MBP: variants seen among roughly 807,000 people sequenced by gnomAD.
The protein encoded by MBP is Golli-MBP.
In MBP, 16 loss-of-function variants were observed where a neutral mutation model predicts 35.8. The ratio of observed to expected loss-of-function variants is 0.45; its 90% CI spans 0.30 to 0.68. The LOEUF is 0.68. Among genes scored for constraint, MBP ranks in the 30% least tolerant of loss-of-function variants. The probability of loss-of-function intolerance (pLI) is 0.08; values close to 1 mark genes in which losing one functional copy is unlikely to be tolerated. For missense variants in MBP, 380 were observed against 404.7 expected, an observed-to-expected ratio of 0.94 and a Z score of 0.52; for synonymous variants, 143 against 159.6, an observed-to-expected ratio of 0.90 and a Z score of 0.78.
chr18:77,118,497 C>T (rs568653533), intron 1 of MBP, among the ~76,000 whole-genome samples: 3 of 152,056 alleles, frequency 2.0e-5, no homozygotes, highest in East Asian at 3.9e-4. Context: ...AGGAAATCTC[C>T]CGTGTGAGTG....
In MBP at chr18:77,044,634, C is replaced by T. The variant is rs74358680; in HGVS notation, c.139+21664G>A. Among the ~76,000 whole-genome samples, 4,034 of 152,228 alleles carry T rather than the reference C, an allele frequency of 0.026. 126 individuals carry two copies. The highest frequency in any genetic ancestry group is 0.1 in the East Asian group (521 of 5,142). ...GCCCTCCGGTCACACCCTTCCATCC[C>T]GTGTGGTGCTGAGCCCCTCACACAC... On this transcript the variant is annotated intron_variant, in intron 3 of 8. Transcript: ENST00000355994. The surrounding 1 kb of genome is among the most constrained non-coding windows in gnomAD (Gnocchi z 4.4).
Position 76,988,200 on chromosome 18 carries a change from C to G in MBP, c.750+295G>C. The stretch of plus-strand genomic sequence containing the variant: ...TTTCTCGGACGTGGTGTTGCTCCCT[C>G]CCTGGGAGGGAGACCAGTCACGTCG... On this transcript the variant is annotated intron_variant, in intron 7 of 8. Coordinates refer to ENST00000355994, the MANE Select transcript of MBP (RefSeq NM_001025101.2). This position sits in a 1 kb window ranked among gnomAD's most constrained non-coding sequence, Gnocchi z 5.2. 6.5e-7 allele frequency: 1 copy of G among 1,547,188 alleles called. No individual in the cohort carries two copies. The highest frequency in any genetic ancestry group is 1.2e-5 in the South Asian group (1 of 83,452).
intron 4 of MBP, chr18:76,990,909 G>A: frequency 3.3e-6 from 1 of 303,152 alleles, no homozygotes; most frequent in Non-Finnish European, 6.7e-6. Context: ...TCAGTGTGCG[G>A]CTCTCCTGAA....
intron 2 of MBP, among the ~76,000 whole-genome samples, chr18:77,070,288 C>T (rs1037087923): frequency 5.3e-5 from 8 of 152,276 alleles, no homozygotes; most frequent in Middle Eastern, 3.4e-3. Context: ...CTGCACGTGT[C>T]GACACGCATT....
At chr18:77,096,237 G>T (rs2145066419) in intron 2 of MBP, among the ~76,000 whole-genome samples, 1 of 152,376 alleles carries the variant, frequency 6.6e-6, no homozygotes, top group African/African-American at 2.4e-5. Flanking sequence ...CATGTTGATG[G>T]AAAGAGCTGA....
chr18:77,036,398 G>A (rs1466096861), intron 3 of MBP, among the ~76,000 whole-genome samples: 8 of 139,382 alleles, frequency 5.7e-5, no homozygotes, highest in Admixed American at 7.0e-5. Context: ...TGCTGCTCAC[G>A]TTTCAGAGGA....
At position 77,028,747 on chromosome 18, in the gene MBP, G is replaced by A. The variant is rs1972372085; in HGVS notation, c.140-11479C>T. Among the ~76,000 whole-genome samples, 2 of 100,452 alleles carry A rather than the reference G, an allele frequency of 2.0e-5. 1 individual carries two copies. The highest frequency in any genetic ancestry group is 5.2e-5 in the Non-Finnish European group (2 of 38,332). The allele number at this position is 100,452 out of a possible 152,430, so 65.9% of individuals were successfully genotyped here. On this transcript the variant is annotated intron_variant, in intron 3 of 8. Transcript: ENST00000355994. ...GGACGGGGCGGCTGGCCAGGCGGGGGGCTGATCCCCCCACCTCCCTCCCGG... is the reference window on the plus strand; with the variant it reads ...GGACGGGGCGGCTGGCCAGGCGGGGAGCTGATCCCCCCACCTCCCTCCCGG...
intron 2 of MBP, among the ~76,000 whole-genome samples, chr18:77,104,964 T>C (rs373124246): frequency 6.6e-6 from 1 of 152,140 alleles, no homozygotes; most frequent in East Asian, 1.9e-4. Flanking sequence ...TTCATTCCTT[T>C]ATTCCTTTGC....
chr18:77,077,284 C>T (rs1974698026), intron 2 of MBP, among the ~76,000 whole-genome samples: 1 of 144,498 alleles, frequency 6.9e-6, no homozygotes, highest in Non-Finnish European at 1.5e-5. Context: ...ATTGCTTGAA[C>T]CTGGGAAGCG....
At chr18:77,123,840 G>T (rs2145232805) in intron 1 of MBP, among the ~76,000 whole-genome samples, 1 of 152,334 alleles carries the variant, frequency 6.6e-6, no homozygotes, top group Non-Finnish European at 1.5e-5. Flanking sequence ...TGTTTTCCGT[G>T]TGTATTGACC....
intron 2 of MBP, among the ~76,000 whole-genome samples, chr18:77,073,896 T>C (rs1974548120): frequency 6.6e-6 from 1 of 152,178 alleles, no homozygotes; most frequent in Non-Finnish European, 1.5e-5. Context: ...AGCTAAAAGA[T>C]CACCATGATA....
intron 3 of MBP, among the ~76,000 whole-genome samples, chr18:77,056,393 C>G (rs1253667410): frequency 6.6e-6 from 1 of 152,220 alleles, no homozygotes; most frequent in African/African-American, 2.4e-5. Context: ...TTCTCCGTCC[C>G]TTTGAGACAT....
In MBP at chr18:77,066,281, A is replaced by T. The variant is rs1255416445; in HGVS notation, c.139+17T>A. 1 of 1,602,686 alleles carries T rather than the reference A, an allele frequency of 6.2e-7. No homozygotes were observed. The highest frequency in any genetic ancestry group is 1.7e-5 in the Admixed American group (1 of 59,140). ...GTCACCATGTGGCGCCATGTTGCCG[A>T]TATCTGCGTCACCTACCGAACACTT... On this transcript the variant is annotated intron_variant, in intron 3 of 8. Transcript: ENST00000355994.
At chr18:77,030,301 C>G (rs1972494600) in intron 3 of MBP, among the ~76,000 whole-genome samples, 1 of 152,134 alleles carries the variant, frequency 6.6e-6, no homozygotes, top group South Asian at 2.1e-4. Context: ...GAAGGAGACC[C>G]AAGAGCCCAT....
intron 4 of MBP, among the ~76,000 whole-genome samples, chr18:77,010,786 C>T (rs1568286430): frequency 6.6e-6 from 1 of 152,182 alleles, no homozygotes; most frequent in Non-Finnish European, 1.5e-5. Context: ...TCTGCTATAT[C>T]AATGAACTTT....
intron 1 of MBP, among the ~76,000 whole-genome samples, chr18:77,106,987 C>T (rs986696223): frequency 1.3e-5 from 2 of 152,112 alleles, no homozygotes; most frequent in Non-Finnish European, 2.9e-5. Flanking sequence ...CTTTTAGGGT[C>T]TAAGAAAGAA....
chr18:77,035,484 G>A (rs1462717422), intron 3 of MBP, among the ~76,000 whole-genome samples: 4 of 152,162 alleles, frequency 2.6e-5, no homozygotes, highest in South Asian at 2.1e-4. Flanking sequence ...ATCTGTCCAC[G>A]TCTCCATTAG....
intron 3 of MBP, among the ~76,000 whole-genome samples, chr18:77,027,444 C>T (rs1175861975): frequency 6.6e-6 from 1 of 152,214 alleles, no homozygotes; most frequent in African/African-American, 2.4e-5. Flanking sequence ...GCTGGTGTCC[C>T]CCTGGGCAGG....
chr18:77,108,688 C>G (rs376748129), intron 1 of MBP: 3 of 152,226 alleles, frequency 2.0e-5, no homozygotes, highest in Non-Finnish European at 4.4e-5. Flanking sequence ...CTGTTAGGCT[C>G]TCGTTTTTAA....
Sources: gnomAD v4.1 joint callset for allele counts (sites outside exome capture counted in the v4.1 genomes callset) on GRCh38, gnomAD v4.1.1 for gene constraint, Gnocchi (gnomAD v3.1) non-coding constraint, MANE v1.5 for transcripts, NCBI Gene and HGNC (gene_info 2026-07-23, HGNC 2026-07-21) for gene names.